The following BABAM2 variants were observed in gnomAD, a reference collection of about 807,000 sequenced individuals.
BABAM2 encodes BRISC and BRCA1-A complex member 2.
In BABAM2, 31 loss-of-function variants were observed where a neutral mutation model predicts 54.7. That is an observed-to-expected ratio of 0.57 (90% CI 0.43 to 0.77). The LOEUF (loss-of-function observed/expected upper bound fraction) is 0.77, where lower values mean the gene tolerates loss of function less well. BABAM2 is among the 30% of genes least tolerant of loss of function. The probability of loss-of-function intolerance (pLI) is 0.00; values close to 1 mark genes in which losing one functional copy is unlikely to be tolerated. For synonymous variants in BABAM2, 167 were observed against 162.9 expected (o/e 1.03, Z -0.19); for missense variants, 364 against 455.8 (o/e 0.80, Z 1.83).
chr2:28,332,173 C>G (rs1425041483), intron 11 of BABAM2, among the ~76,000 whole-genome samples: 3 of 152,108 alleles, frequency 2.0e-5, no homozygotes, highest in African/African-American at 7.2e-5. Flanking sequence ...CGGGGGGCAT[C>G]AGGATAAATA....
intron 6 of BABAM2, among the ~76,000 whole-genome samples, chr2:28,108,844 AC>A (rs1667746364): frequency 6.6e-6 from 1 of 152,182 alleles, no homozygotes; most frequent in Non-Finnish European, 1.5e-5. Context: ...TGAAAAAAAA[AC>A]ATTGATGCAG....
At chr2:28,258,133 C>T (rs1235328417) in intron 10 of BABAM2, among the ~76,000 whole-genome samples, 2 of 151,216 alleles carry the variant, frequency 1.3e-5, no homozygotes, top group Non-Finnish European at 2.9e-5. Flanking sequence ...GCTGAGATCG[C>T]ACCACTGCAC....
chr2:28,257,468 G>C (rs562680959), intron 10 of BABAM2, among the ~76,000 whole-genome samples: 1 of 152,248 alleles, frequency 6.6e-6, no homozygotes, highest in Admixed American at 6.5e-5. Context: ...ATCCATCCAT[G>C]GTGTTGTGTG....
At chr2:28,038,176 G>A (rs977706792) in intron 5 of BABAM2, among the ~76,000 whole-genome samples, 8 of 152,054 alleles carry the variant, frequency 5.3e-5, no homozygotes, top group Admixed American at 3.9e-4. Context: ...TATGCTTTAT[G>A]TACAGTTCCC....
intron 11 of BABAM2, among the ~76,000 whole-genome samples, chr2:28,320,814 T>C (rs1689966603): frequency 2.0e-5 from 3 of 152,348 alleles, no homozygotes; most frequent in South Asian, 4.1e-4. Flanking sequence ...GCCTTTATCA[T>C]GTGCCTGGCC....
chr2:28,208,450 A>T (rs1679107852), intron 7 of BABAM2, among the ~76,000 whole-genome samples: 1 of 152,344 alleles, frequency 6.6e-6, no homozygotes, highest in South Asian at 2.1e-4. Flanking sequence ...TTAGAATCAG[A>T]ACCCAGCCTG....
intron 6 of BABAM2, among the ~76,000 whole-genome samples, chr2:28,053,604 A>G (rs368047131): frequency 6.6e-6 from 1 of 152,164 alleles, no homozygotes. Context: ...GAACACTTAC[A>G]CTGCAGGGAA....
chr2:28,237,325 C>G (rs1391405538), intron 8 of BABAM2, 24 bp downstream of exon 8: 1 of 1,582,608 alleles, frequency 6.3e-7, no homozygotes, highest in African/African-American at 1.3e-5. Context: ...CCCAACTCAT[C>G]CCTCTTATGA....
intron 3 of BABAM2, among the ~76,000 whole-genome samples, chr2:27,935,705 A>G (rs1275128594): frequency 6.6e-6 from 1 of 152,206 alleles, no homozygotes; most frequent in Non-Finnish European, 1.5e-5. Flanking sequence ...CTGAAGGGAA[A>G]AGTCGATTAA....
At chr2:27,896,932 A>G (rs1459945324) in intron 2 of BABAM2, 1 of 159,396 alleles carries the variant, frequency 6.3e-6, no homozygotes, top group Non-Finnish European at 1.4e-5. Flanking sequence ...TACTTTTCAC[A>G]CATGTCCACC....
intron 7 of BABAM2, among the ~76,000 whole-genome samples, chr2:28,203,857 C>CG: frequency 6.6e-6 from 1 of 152,250 alleles, no homozygotes; most frequent in East Asian, 1.9e-4. Context: ...CCAGGGTGAA[C>CG]ATCCTTAGAG....
intron 7 of BABAM2, among the ~76,000 whole-genome samples, chr2:28,185,840 G>A (rs1371833014): frequency 1.3e-5 from 2 of 152,034 alleles, no homozygotes; most frequent in East Asian, 3.9e-4. Flanking sequence ...CCACTGGGAG[G>A]CTAAGGATCA....
Position 28,070,335 on chromosome 2 carries a change from A to G in BABAM2, c.570+24536A>G, listed in dbSNP as rs72814423. Among the ~76,000 whole-genome samples the G allele has an allele frequency of 1.6e-3, 250 of 152,256 alleles. 1 individual carries two copies. The highest frequency in any genetic ancestry group is 3.0e-3 in the Non-Finnish European group (201 of 68,024). The stretch of plus-strand genomic sequence containing the variant: ...GGTAACCTGCAAGTTTTTATCTTTG[A>G]GCATTCCTACTATAATGCCCCATGC... On this transcript the variant is annotated intron_variant, in intron 6 of 11. Coordinates refer to ENST00000379624, the MANE Select transcript of BABAM2 (RefSeq NM_199191.3).
At chr2:28,057,474 A>ATGTGATCACTACAGGTGACCATTTTT (rs1678520660) in intron 6 of BABAM2, among the ~76,000 whole-genome samples, 1 of 152,138 alleles carries the variant, frequency 6.6e-6, no homozygotes, top group Non-Finnish European at 1.5e-5. Context: ...GAATTATGGG[A>ATGTGATCACTACAGGTGACCATTTTT]TGTGATCACT....
At chr2:27,908,477 T>TG (rs1439512493) in intron 2 of BABAM2, among the ~76,000 whole-genome samples, 2 of 152,170 alleles carry the variant, frequency 1.3e-5, no homozygotes, top group Non-Finnish European at 2.9e-5. Context: ...TGCGCCATGT[T>TG]GCCCAGGCTG....
At chr2:27,939,088 G>A (rs1322993202) in intron 3 of BABAM2, among the ~76,000 whole-genome samples, 3 of 152,048 alleles carry the variant, frequency 2.0e-5, no homozygotes, top group East Asian at 3.9e-4. Context: ...GAGTAGCTGG[G>A]ACTACAGGCA....
chr2:28,169,586 G>A (rs747993682), intron 7 of BABAM2, among the ~76,000 whole-genome samples: 16 of 152,010 alleles, frequency 1.1e-4, no homozygotes, highest in Admixed American at 6.6e-5. Flanking sequence ...AGACCAGCCT[G>A]GGCAACATAA....
chr2:28,328,333 G>A (rs184481089), intron 11 of BABAM2, among the ~76,000 whole-genome samples: 16 of 152,290 alleles, frequency 1.1e-4, no homozygotes, highest in African/African-American at 3.4e-4. Flanking sequence ...AAAAACATGT[G>A]CCAGTTGAAG....
At chr2:28,308,348 G>T in intron 11 of BABAM2, 1 of 475,954 alleles carries the variant, frequency 2.1e-6, no homozygotes, top group South Asian at 1.6e-5. Context: ...ATGCTTGGAA[G>T]AGCACTCCCA....
Sources: allele counts gnomAD v4.1 joint callset (sites outside exome capture counted in the v4.1 genomes callset), GRCh38; gene constraint gnomAD v4.1.1; transcripts MANE v1.5; gene names NCBI Gene and HGNC (gene_info 2026-07-23, HGNC 2026-07-21).